RSPH1: variants seen among roughly 807,000 people sequenced by gnomAD.
RSPH1 encodes the protein radial spoke head component 1.
In RSPH1, 32 loss-of-function variants were observed where a neutral mutation model predicts 44.2. The observed-to-expected ratio is 0.72, with a 90% CI of 0.55 to 0.97. The LOEUF (loss-of-function observed/expected upper bound fraction) is 0.97, where lower values mean the gene tolerates loss of function less well. RSPH1 is among the 50% of genes least tolerant of loss of function. The pLI is 0.00. For missense variants in RSPH1, 391 were observed against 398.7 expected, an observed-to-expected ratio of 0.98 and a Z score of 0.16; for synonymous variants, 134 against 147.3, an observed-to-expected ratio of 0.91 and a Z score of 0.65.
Position 42,485,792 on chromosome 21 carries a change from G to A in RSPH1, c.378C>T (p.Gly126=). The change falls in exon 5 of 9, where the codon GGC becomes GGT. Residue 126 remains glycine, a synonymous_variant. Coordinates refer to ENST00000291536, the MANE Select transcript of RSPH1 (RefSeq NM_080860.4). ...EWFAHQRHGQ[G]TYLYAETGSK... The stretch of plus-strand genomic sequence containing the variant: ...TGCCCGTCTCCGCGTATAAATAGGT[G>A]CCTTGCCCATGCCTGGTTAAGACAA... The A allele has an allele frequency of 6.2e-7, 1 of 1,614,156 alleles. No individual in the cohort carries two copies. The highest frequency in any genetic ancestry group is 1.3e-5 in the African/African-American group (1 of 75,026).
chr21:42,490,038 GAGTCCTC>G (rs1390283866), intron 3 of RSPH1, among the ~76,000 whole-genome samples: 7 of 152,208 alleles, frequency 4.6e-5, no homozygotes, highest in Non-Finnish European at 1.0e-4. Flanking sequence ...CTTAACCTCA[GAGTCCTC>G]AGTTGGCCCT....
chr21:42,477,255 GCCCCC>G (rs778759535), intron 7 of RSPH1, 31 bp downstream of exon 7: 49 of 1,493,438 alleles, frequency 3.3e-5, no homozygotes, highest in Non-Finnish European at 4.4e-5. Context: ...CACACCCTCT[GCCCCC>G]TCCACCCCAC....
In RSPH1 at chr21:42,474,509, T is replaced by C. The variant is rs961446964; in HGVS notation, c.877+1389A>G. 2.0e-5 allele frequency among the ~76,000 whole-genome samples: 3 copies of C among 152,226 alleles called. No homozygotes were observed. The highest frequency in any genetic ancestry group is 4.4e-5 in the Non-Finnish European group (3 of 68,034). ...CTCCCACACTGCCTATCAAACCCAG[T>C]GTCTCCCCCTCCAGCTGTGCTCCAC... On this transcript the variant is annotated intron_variant, in intron 8 of 8. Transcript: ENST00000291536. The surrounding 1 kb of genome is among the most constrained non-coding windows in gnomAD (Gnocchi z 5.2).
At position 42,486,315 on chromosome 21, in the gene RSPH1, C is replaced by T. The variant is rs376192449; in HGVS notation, c.365+56G>A. 1.2e-3 allele frequency: 1,459 copies of T among 1,227,440 alleles called. 22 individuals are homozygous for T. In the South Asian group the frequency reaches 0.017, roughly 14 times the overall value. 76.0% of individuals were successfully genotyped at this position (1,227,440 alleles called of 1,614,324 possible). A position where few individuals can be genotyped will look rare whatever the true frequency, so the allele number is the denominator to read the frequency against. On this transcript the variant is annotated intron_variant, in intron 4 of 8. Transcript: ENST00000291536. Reference sequence around the variant, plus strand: ...TCAGTAAGTGTAAACAATCTGCAGACATCATGTTCTCATTACATAAGCAAA... The same window carrying T: ...TCAGTAAGTGTAAACAATCTGCAGATATCATGTTCTCATTACATAAGCAAA...
intron 3 of RSPH1, among the ~76,000 whole-genome samples, chr21:42,487,179 A>G (rs906518733): frequency 6.6e-6 from 1 of 152,232 alleles, no homozygotes; most frequent in African/African-American, 2.4e-5. Flanking sequence ...AGGATATCAT[A>G]AAATTCATAA....
intron 5 of RSPH1, among the ~76,000 whole-genome samples, chr21:42,483,364 GATGAGGCTC>G (rs1316151166): frequency 7.2e-5 from 11 of 151,840 alleles, no homozygotes; most frequent in Admixed American, 7.2e-4. Context: ...GCTTTGATTA[GATGAGGCTC>G]TAATCGTTTC....
chr21:42,485,269 A>C (rs903993215), intron 5 of RSPH1: 2 of 178,412 alleles, frequency 1.1e-5, no homozygotes, highest in African/African-American at 4.8e-5. Flanking sequence ...CTCCCCAGGG[A>C]TGTCGCACCT....
intron 5 of RSPH1, chr21:42,485,441 T>A (rs1400113070): frequency 1.8e-6 from 1 of 565,790 alleles, no homozygotes. Flanking sequence ...ACAGTGGGAA[T>A]TTGTACTGAG....
chr21:42,491,923 A>C (rs1173765861), intron 3 of RSPH1, among the ~76,000 whole-genome samples: 1 of 152,200 alleles, frequency 6.6e-6, no homozygotes, highest in Non-Finnish European at 1.5e-5. Flanking sequence ...TTATCCATTG[A>C]ATCTTCATGC....
chr21:42,478,244 G>T (rs576580837), intron 6 of RSPH1, among the ~76,000 whole-genome samples: 1 of 152,358 alleles, frequency 6.6e-6, no homozygotes, highest in South Asian at 2.1e-4. Context: ...CTGCCACATA[G>T]GTGATAATAC....
intron 5 of RSPH1, among the ~76,000 whole-genome samples, chr21:42,484,480 C>A (rs2054159260): frequency 1.3e-5 from 2 of 152,122 alleles, no homozygotes; most frequent in African/African-American, 4.8e-5. Flanking sequence ...ATTAAAACCC[C>A]CAAACAATAA....
rs1258654112 is a variant in RSPH1 at position 42,474,507 on chromosome 21, A to G, written c.877+1391T>C. On this transcript the variant is annotated intron_variant, in intron 8 of 8. Transcript: ENST00000291536. This position sits in a 1 kb window ranked among gnomAD's most constrained non-coding sequence, Gnocchi z 5.2. The stretch of plus-strand genomic sequence containing the variant: ...CACTCCCACACTGCCTATCAAACCC[A>G]GTGTCTCCCCCTCCAGCTGTGCTCC... Among the ~76,000 whole-genome samples the G allele has an allele frequency of 1.3e-5, 2 of 152,178 alleles. No individual in the cohort carries two copies. The highest frequency in any genetic ancestry group is 2.9e-5 in the Non-Finnish European group (2 of 68,012).
chr21:42,477,345 G>A lies in RSPH1; in HGVS notation c.673C>T (p.Pro225Ser), dbSNP rs562591045. The change falls in exon 7 of 9, where the codon CCC becomes TCC. Residue 225 changes from proline (P) to serine (S), a missense_variant. Coordinates refer to ENST00000291536, the MANE Select transcript of RSPH1 (RefSeq NM_080860.4). ...CCATCCGTAGAGGTCGGCTTTTTGG[G>A]GAGAGTTGGTGTCCACAGGGCCAAT... ...TELALWTPTL[P>S]KKPTSTDGPG... 66 of 1,610,126 alleles carry A rather than the reference G, an allele frequency of 4.1e-5. No individual in the cohort carries two copies. In the Admixed American group the frequency reaches 8.9e-4, roughly 22 times the overall value.
chr21:42,475,945 T>A lies in RSPH1; in HGVS notation c.830A>T (p.Glu277Val). ...GDEDADVLRE[E>V]SREYDQEEFR... The stretch of plus-strand genomic sequence containing the variant: ...CTCCTCCTGGTCATACTCCCGGCTC[T>A]CTTCCCGGAGGACGTCTGCATCTTC... Residue 277 changes from glutamate to valine, a missense_variant, in exon 8 of 9, where the codon GAG becomes GTG. Coordinates refer to ENST00000291536, the MANE Select transcript of RSPH1 (RefSeq NM_080860.4). 3 of 1,611,988 alleles carry A rather than the reference T, an allele frequency of 1.9e-6. No individual in the cohort carries two copies. Among genetic ancestry groups the A allele is most frequent in the African/African-American group, 2.7e-5 (2 of 74,398 alleles).
At chr21:42,488,678 G>C (rs2054204245) in intron 3 of RSPH1, among the ~76,000 whole-genome samples, 1 of 152,084 alleles carries the variant, frequency 6.6e-6, no homozygotes, top group Non-Finnish European at 1.5e-5. Context: ...ATTTTTTAAA[G>C]TCCCAATCTA....
intron 3 of RSPH1, among the ~76,000 whole-genome samples, chr21:42,486,691 T>C (rs559583025): frequency 1.3e-5 from 2 of 152,314 alleles, no homozygotes; most frequent in South Asian, 2.1e-4. Flanking sequence ...CCCTTCCTTT[T>C]GTGCCAGATG....
intron 1 of RSPH1, 65 bp downstream of exon 1, chr21:42,496,068 C>T: frequency 6.3e-7 from 1 of 1,594,758 alleles, no homozygotes; most frequent in East Asian, 2.2e-5. Flanking sequence ...ACTCTCCAAA[C>T]CCAACCTCGA....
rs779853832 is a variant in RSPH1 at position 42,472,865 on chromosome 21, T to G, written c.883A>C (p.Ile295Leu). The G allele has an allele frequency of 1.9e-6, 3 of 1,605,780 alleles. No individual in the cohort carries two copies. The Admixed American group carries it at 5.0e-5, about 27-fold the overall frequency. ...EFRYDMDEGNINSEEEETRQS... is the reference protein window; with the variant it reads ...EFRYDMDEGNLNSEEEETRQS... ...CTAGTTTCTTCTTCTTCAGAATTAA[T>G]GTTTCCTGAAAAGAAAAGAGAAACA... The change falls in exon 9 of 9, where the codon ATT becomes CTT. Residue 295 changes from isoleucine (I) to leucine (L), a missense_variant. Transcript: ENST00000291536.
intron 3 of RSPH1, among the ~76,000 whole-genome samples, chr21:42,487,519 A>G (rs1373058932): frequency 1.3e-5 from 2 of 152,256 alleles, no homozygotes; most frequent in Non-Finnish European, 2.9e-5. Context: ...AGTATTAGCT[A>G]ACAAAGGTAG....
Sources: allele counts gnomAD v4.1 joint callset (sites outside exome capture counted in the v4.1 genomes callset), GRCh38; gene constraint gnomAD v4.1.1; non-coding constraint Gnocchi (gnomAD v3.1); transcripts MANE v1.5; gene names NCBI Gene and HGNC (gene_info 2026-07-23, HGNC 2026-07-21).